The following MEI1 variants were observed in gnomAD, a reference collection of about 807,000 sequenced individuals.
MEI1 encodes the protein meiosis inhibitor protein 1.
Under a neutral mutation model 146.2 loss-of-function variants are expected in MEI1, and 103 were observed. That is an observed-to-expected ratio of 0.70 (90% CI 0.60 to 0.83). The LOEUF (loss-of-function observed/expected upper bound fraction) is 0.83. Ranked by LOEUF, MEI1 falls within the 40% of genes least tolerant of loss-of-function variation. MEI1 has a pLI of 0.00. For missense variants in MEI1, 1,529 were observed against 1,533.0 expected (o/e 1.00, Z 0.04); for synonymous variants, 652 against 628.2 (o/e 1.04, Z -0.57).
intron 3 of MEI1, chr22:41,709,430 C>T (rs988403273): frequency 1.2e-5 from 8 of 689,652 alleles, no homozygotes; most frequent in African/African-American, 7.1e-5. Context: ...CTCTGTGGTT[C>T]GTCCTTCACC....
At chr22:41,769,556 T>C (rs2075050543) in intron 19 of MEI1, among the ~76,000 whole-genome samples, 1 of 151,440 alleles carries the variant, frequency 6.6e-6, no homozygotes, top group Non-Finnish European at 1.5e-5. Flanking sequence ...CACCACAACC[T>C]CTGCCTCCCG....
At chr22:41,786,897 G>A (rs970128763) in intron 26 of MEI1, among the ~76,000 whole-genome samples, 1 of 152,210 alleles carries the variant, frequency 6.6e-6, no homozygotes, top group Non-Finnish European at 1.5e-5. Flanking sequence ...ATCATATCCC[G>A]AGCCCTGACC....
chr22:41,768,413 T>G (rs1321348927), intron 19 of MEI1, among the ~76,000 whole-genome samples: 1 of 150,858 alleles, frequency 6.6e-6, no homozygotes, highest in Non-Finnish European at 1.5e-5. Flanking sequence ...AAAATGAAAT[T>G]AAGGGAACAA....
intron 11 of MEI1, among the ~76,000 whole-genome samples, chr22:41,739,435 C>G (rs1344528764): frequency 1.3e-5 from 2 of 152,120 alleles, no homozygotes; most frequent in Non-Finnish European, 2.9e-5. Context: ...CCTACTTCTA[C>G]TTCTCAAGGC....
At chr22:41,769,937 C>A (rs1433648262) in intron 19 of MEI1, among the ~76,000 whole-genome samples, 2 of 151,212 alleles carry the variant, frequency 1.3e-5, no homozygotes, top group Admixed American at 6.6e-5. Context: ...GGGTTTGAAA[C>A]CAGCCTGACC....
chr22:41,742,375 C>T (rs1401393517), intron 11 of MEI1, among the ~76,000 whole-genome samples: 5 of 152,204 alleles, frequency 3.3e-5, no homozygotes, highest in Non-Finnish European at 7.3e-5. Context: ...CTGTCACTCT[C>T]TTGATGCACG....
intron 19 of MEI1, among the ~76,000 whole-genome samples, chr22:41,766,602 A>G (rs1363367764): frequency 6.6e-6 from 1 of 152,094 alleles, no homozygotes; most frequent in Non-Finnish European, 1.5e-5. Flanking sequence ...ACTGGAGTGC[A>G]GTGGTGTGAT....
At chr22:41,723,281 C>T (rs1016288811) in intron 6 of MEI1, among the ~76,000 whole-genome samples, 1 of 151,962 alleles carries the variant, frequency 6.6e-6, no homozygotes, top group Non-Finnish European at 1.5e-5. Context: ...GACGCCATCT[C>T]AGTTCACTGC....
intron 24 of MEI1, among the ~76,000 whole-genome samples, chr22:41,783,952 G>A (rs2075855116): frequency 6.6e-6 from 1 of 152,186 alleles, no homozygotes; most frequent in African/African-American, 2.4e-5. Context: ...CAAAGTGCTG[G>A]GATTACAGGT....
chr22:41,733,902 G>A (rs1018176897), intron 11 of MEI1, among the ~76,000 whole-genome samples: 9 of 150,016 alleles, frequency 6.0e-5, no homozygotes, highest in Non-Finnish European at 1.2e-4. Context: ...CAAGGTCGGC[G>A]GACCACCTGA....
chr22:41,766,364 G>A (rs548358012), intron 19 of MEI1, among the ~76,000 whole-genome samples: 2 of 149,858 alleles, frequency 1.3e-5, no homozygotes, highest in Admixed American at 6.7e-5. Flanking sequence ...TAGAGACAGG[G>A]TTTCACCATG....
intron 18 of MEI1, among the ~76,000 whole-genome samples, chr22:41,761,528 A>T (rs892292268): frequency 6.6e-6 from 1 of 151,856 alleles, no homozygotes; most frequent in African/African-American, 2.4e-5. Flanking sequence ...GTTAGCCAGG[A>T]TGGTCTGGAT....
chr22:41,707,128 G>A (rs1340900417), intron 3 of MEI1, among the ~76,000 whole-genome samples: 7 of 152,000 alleles, frequency 4.6e-5, no homozygotes, highest in Admixed American at 2.0e-4. Context: ...ACTTGAACCC[G>A]GGAGGTGGAG....
At chr22:41,748,837 C>T in intron 15 of MEI1, among the ~76,000 whole-genome samples, 1 of 151,830 alleles carries the variant, frequency 6.6e-6, no homozygotes, top group East Asian at 1.9e-4. Flanking sequence ...TGAGTCTCGC[C>T]CTGTTGCCCA....
chr22:41,758,122 A>G (rs575115160), intron 17 of MEI1, among the ~76,000 whole-genome samples: 11 of 152,178 alleles, frequency 7.2e-5, no homozygotes, highest in African/African-American at 2.6e-4. Context: ...AAAACAAAAC[A>G]AAAAAGGAAT....
chr22:41,789,177 TGG>T (rs2076089483), intron 26 of MEI1, among the ~76,000 whole-genome samples: 1 of 152,086 alleles, frequency 6.6e-6, no homozygotes, highest in Non-Finnish European at 1.5e-5. Context: ...CCGGGCGTGG[TGG>T]CGCGCACCTG....
intron 26 of MEI1, among the ~76,000 whole-genome samples, chr22:41,792,507 A>G (rs902879985): frequency 4.6e-5 from 7 of 152,178 alleles, no homozygotes; most frequent in Non-Finnish European, 1.0e-4. Flanking sequence ...AGCACGGTGG[A>G]GGAAAGTGTT....
chr22:41,713,094 C>T (rs913135463), intron 3 of MEI1, among the ~76,000 whole-genome samples: 1 of 152,048 alleles, frequency 6.6e-6, no homozygotes, highest in Non-Finnish European at 1.5e-5. Flanking sequence ...CATGCGTGAG[C>T]CACCGCGCCC....
At chr22:41,767,438 C>G (rs988061669) in intron 19 of MEI1, 2 of 343,492 alleles carry the variant, frequency 5.8e-6, no homozygotes, top group African/African-American at 2.1e-5. Flanking sequence ...TTTGTGGAAG[C>G]AGTGGAGGAG....
Sources: gnomAD v4.1 joint callset for allele counts (sites outside exome capture counted in the v4.1 genomes callset) on GRCh38, gnomAD v4.1.1 for gene constraint, MANE v1.5 for transcripts, NCBI Gene and HGNC (gene_info 2026-07-23, HGNC 2026-07-21) for gene names.